The following PAPPA2 variants were observed in gnomAD, a reference collection of about 807,000 sequenced individuals.
The protein encoded by PAPPA2 is pappalysin 2, also known as pappalysin-2.
In PAPPA2, 86 loss-of-function variants were observed where a neutral mutation model predicts 176.4. The ratio of observed to expected loss-of-function variants is 0.49; its 90% CI spans 0.41 to 0.58. The LOEUF (loss-of-function observed/expected upper bound fraction) is 0.58, where lower values mean the gene tolerates loss of function less well. Ranked by LOEUF, PAPPA2 falls within the 20% of genes least tolerant of loss-of-function variation. The pLI, the probability that PAPPA2 is intolerant of heterozygous loss-of-function variation, is 0.00. For synonymous variants in PAPPA2, 809 were observed against 852.2 expected (o/e 0.95, Z 0.88); for missense variants, 2,073 against 2,256.9 (o/e 0.92, Z 1.65).
At chr1:176,739,167 G>A (rs1258240811) in intron 12 of PAPPA2, among the ~76,000 whole-genome samples, 1 of 152,146 alleles carries the variant, frequency 6.6e-6, no homozygotes, top group African/African-American at 2.4e-5. Flanking sequence ...GGAAGATGGG[G>A]AAAGATAACT....
intron 3 of PAPPA2, among the ~76,000 whole-genome samples, chr1:176,630,565 AG>A (rs1656281345): frequency 6.6e-6 from 1 of 152,136 alleles, no homozygotes; most frequent in South Asian, 2.1e-4. Context: ...AATGGGTTGG[AG>A]GGGGGACATT....
intron 1 of PAPPA2, among the ~76,000 whole-genome samples, chr1:176,471,601 T>C (rs1271604028): frequency 6.6e-6 from 1 of 152,158 alleles, no homozygotes; most frequent in East Asian, 1.9e-4. Context: ...TCTGCCTCCC[T>C]CCCCATGAAA....
intron 2 of PAPPA2, among the ~76,000 whole-genome samples, chr1:176,557,733 C>A (rs1327539715): frequency 6.6e-6 from 1 of 152,152 alleles, no homozygotes; most frequent in African/African-American, 2.4e-5. Context: ...GCCTGGTTTC[C>A]TTTTCTCTGA....
At position 176,481,499 on chromosome 1, in the gene PAPPA2, A is replaced by G. The variant is rs146977749; in HGVS notation, c.-917+18081A>G. 5.3e-5 allele frequency among the ~76,000 whole-genome samples: 8 copies of G among 152,198 alleles called. No homozygotes were observed. The East Asian group carries it at 1.4e-3, about 26-fold the overall frequency. ...TCCAGGAGAAAAACAGTGGTTTAACATGCACTTGTGACTGACTCAGGAAGT... is the reference window on the plus strand; with the variant it reads ...TCCAGGAGAAAAACAGTGGTTTAACGTGCACTTGTGACTGACTCAGGAAGT... On this transcript the variant is annotated intron_variant, in intron 1 of 22. Transcript: ENST00000367662.
At chr1:176,638,485 C>G (rs867626557) in intron 3 of PAPPA2, among the ~76,000 whole-genome samples, 5 of 152,042 alleles carry the variant, frequency 3.3e-5, no homozygotes, top group African/African-American at 9.7e-5. Flanking sequence ...TCAGCAGAGC[C>G]ATTAGAACTA....
chr1:176,501,636 T>A (rs1380740294), intron 1 of PAPPA2, among the ~76,000 whole-genome samples: 2 of 152,226 alleles, frequency 1.3e-5, no homozygotes, highest in East Asian at 3.8e-4. Flanking sequence ...CTCAAGGTTA[T>A]GTCAGTGCAA....
chr1:176,729,665 T>C (rs1332338045), intron 12 of PAPPA2, among the ~76,000 whole-genome samples: 13 of 152,032 alleles, frequency 8.6e-5, no homozygotes, highest in Non-Finnish European at 1.9e-4. Context: ...AACTATTCAT[T>C]ATTCATGAAC....
intron 2 of PAPPA2, among the ~76,000 whole-genome samples, chr1:176,562,043 C>A (rs1651704681): frequency 6.6e-6 from 1 of 152,164 alleles, no homozygotes; most frequent in Non-Finnish European, 1.5e-5. Context: ...AATTACCTCC[C>A]ACCAGGTCCC....
intron 4 of PAPPA2, among the ~76,000 whole-genome samples, chr1:176,689,663 G>A (rs913616187): frequency 7.9e-5 from 12 of 152,214 alleles, no homozygotes; most frequent in African/African-American, 2.4e-4. Context: ...GATGTGGAGG[G>A]GCAGGAGTTA....
Position 176,690,285 on chromosome 1 carries a change from G to A in PAPPA2, c.2286G>A (p.Val762=), listed in dbSNP as rs753476473. ...ESCNDPCKET[V]PSMETGDLCA... The stretch of plus-strand genomic sequence containing the variant: ...GCAATGACCCCTGCAAGGAGACAGT[G>A]CCATCCATGGAAACGGGAGACCTCT... The change falls in exon 5 of 23, where the codon GTG becomes GTA. Residue 762 remains valine (V), a synonymous_variant. Transcript: ENST00000367662. The A allele has an allele frequency of 1.9e-5, 30 of 1,613,992 alleles. No homozygotes were observed. Among genetic ancestry groups the A allele is most frequent in the African/African-American group, 4.0e-5 (3 of 74,894 alleles).
chr1:176,616,963 G>A (rs1378267674), intron 3 of PAPPA2, among the ~76,000 whole-genome samples: 2 of 152,196 alleles, frequency 1.3e-5, no homozygotes, highest in African/African-American at 2.4e-5. Context: ...ACAAGAAGCA[G>A]CAATTCTGCA....
chr1:176,836,865 C>T (rs1667291738), intron 21 of PAPPA2: 1 of 152,064 alleles, frequency 6.6e-6, no homozygotes, highest in Non-Finnish European at 1.5e-5. Flanking sequence ...TCCCCAAGGG[C>T]TGGAACTATG....
chr1:176,667,275 A>G (rs1174402640), intron 3 of PAPPA2, among the ~76,000 whole-genome samples: 1 of 151,944 alleles, frequency 6.6e-6, no homozygotes, highest in Admixed American at 6.6e-5. Flanking sequence ...AAAGAATAAG[A>G]CTGTGTTTTC....
chr1:176,615,194 G>C (rs1323907734), intron 3 of PAPPA2, among the ~76,000 whole-genome samples: 1 of 151,966 alleles, frequency 6.6e-6, no homozygotes, highest in Non-Finnish European at 1.5e-5. Context: ...TTTTTCTCAG[G>C]CCCTCCCTGT....
chr1:176,770,864 T>C (rs979440940), intron 16 of PAPPA2, 103 bp from the exon 17 acceptor site: 31 of 1,071,742 alleles, frequency 2.9e-5, no homozygotes, highest in Non-Finnish European at 4.3e-5. Context: ...AATATGACTT[T>C]TGAAAGGCAC....
chr1:176,501,901 T>C (rs1647982997), intron 1 of PAPPA2, among the ~76,000 whole-genome samples: 1 of 152,186 alleles, frequency 6.6e-6, no homozygotes, highest in Non-Finnish European at 1.5e-5. Flanking sequence ...GACACTGATA[T>C]CATTTATAAA....
chr1:176,610,142 A>T (rs1473060209), intron 3 of PAPPA2, among the ~76,000 whole-genome samples: 1 of 152,194 alleles, frequency 6.6e-6, no homozygotes, highest in East Asian at 1.9e-4. Flanking sequence ...GAGTACAATG[A>T]GCATGTCCTC....
chr1:176,741,780 T>G (rs894935254), intron 14 of PAPPA2, among the ~76,000 whole-genome samples: 1 of 152,248 alleles, frequency 6.6e-6, no homozygotes, highest in Non-Finnish European at 1.5e-5. Flanking sequence ...TCTTTCTTAG[T>G]GAACAAATGC....
chr1:176,466,837 AAG>A (rs1558386478), intron 1 of PAPPA2, among the ~76,000 whole-genome samples: 3 of 152,128 alleles, frequency 2.0e-5, no homozygotes, highest in African/African-American at 7.2e-5. Flanking sequence ...GAGGGAGAAA[AAG>A]AGTTTCCAGA....
Sources: allele counts gnomAD v4.1 joint callset (sites outside exome capture counted in the v4.1 genomes callset), GRCh38; gene constraint gnomAD v4.1.1; transcripts MANE v1.5; gene names NCBI Gene and HGNC (gene_info 2026-07-23, HGNC 2026-07-21).